CDPF1: variants seen among roughly 807,000 people sequenced by gnomAD.
CDPF1 encodes the protein cysteine-rich DPF motif domain-containing protein 1.
In CDPF1, 8 loss-of-function variants were observed where a neutral mutation model predicts 8.3. The observed-to-expected ratio is 0.96, with a 90% confidence interval of 0.57 to 1.74. The LOEUF (loss-of-function observed/expected upper bound fraction) is 1.74. Ranked by LOEUF, CDPF1 falls within the 40% of genes most tolerant of loss-of-function variation. The pLI is 0.00. For missense variants in CDPF1, 151 were observed against 155.3 expected (o/e 0.97, Z 0.15); for synonymous variants, 62 against 62.9 (o/e 0.99, Z 0.07).
Position 46,248,301 on chromosome 22 carries a change from T to C in CDPF1, c.1-17A>G, listed in dbSNP as rs999992542. 11 of 1,544,280 alleles carry C rather than the reference T, an allele frequency of 7.1e-6. No homozygotes were observed. Among genetic ancestry groups the C allele is most frequent in the Admixed American group, 1.7e-5 (1 of 59,366 alleles). On this transcript the variant is annotated splice_polypyrimidine_tract_variant and intron_variant, in intron 1 of 3. Coordinates refer to ENST00000314567, the MANE Select transcript of CDPF1 (RefSeq NM_207327.5). The surrounding 1 kb of genome is among the most constrained non-coding windows in gnomAD (Gnocchi z 4.1). ...GGACGCCATCTGCAAGATCAAGAGATGGGGTGTCCCTGGGTCACAGGCTTT... is the reference window on the plus strand; with the variant it reads ...GGACGCCATCTGCAAGATCAAGAGACGGGGTGTCCCTGGGTCACAGGCTTT...
rs895573150 is a variant in CDPF1, at chr22:46,249,192, T to A, written c.1-908A>T. On this transcript the variant is annotated intron_variant, in intron 1 of 3. Transcript: ENST00000314567. This position sits in a 1 kb window ranked among gnomAD's most constrained non-coding sequence, Gnocchi z 4.6. ...CTGATTACCCAGCTCCTTCTTTGACTATGGAATCAAGTACGACATTATCAG... is the reference window on the plus strand; with the variant it reads ...CTGATTACCCAGCTCCTTCTTTGACAATGGAATCAAGTACGACATTATCAG... 2.0e-5 allele frequency among the ~76,000 whole-genome samples: 3 copies of A among 152,172 alleles called. No individual in the cohort carries two copies. Among genetic ancestry groups the A allele is most frequent in the Non-Finnish European group, 4.4e-5 (3 of 68,038 alleles).
rs1014150916 is a variant in CDPF1, at chr22:46,249,123, T to G, written c.1-839A>C. On this transcript the variant is annotated intron_variant, in intron 1 of 3. Coordinates refer to ENST00000314567, the MANE Select transcript of CDPF1 (RefSeq NM_207327.5). The surrounding 1 kb of genome is among the most constrained non-coding windows in gnomAD (Gnocchi z 4.6). ...GCCTCTCTTTCCTTAGATTTCTGGC[T>G]AAATGGCTGCCATCTGATGGGTTCA... Among the ~76,000 whole-genome samples, 1 of 152,202 alleles carries G rather than the reference T, an allele frequency of 6.6e-6. No homozygotes were observed. Among genetic ancestry groups the G allele is most frequent in the African/African-American group, 2.4e-5 (1 of 41,440 alleles).
rs1936458500 is a variant in CDPF1, at chr22:46,244,735, C to T, written c.*357G>A. ...CCCCGACACAGTGTGGCATCTCCCC[C>T]CACACGCACCTGCACGCAGCCTCTT... is the stretch of plus-strand genomic sequence containing the variant. On this transcript the variant is annotated 3_prime_UTR_variant, in exon 4 of 4. Coordinates refer to ENST00000314567, the MANE Select transcript of CDPF1 (RefSeq NM_207327.5). The surrounding 1 kb of genome is among the most constrained non-coding windows in gnomAD (Gnocchi z 6.7). The T allele has an allele frequency of 4.0e-6, 1 of 246,984 alleles. No individual in the cohort carries two copies. 15.3% of individuals were successfully genotyped at this position (246,984 alleles called of 1,614,324 possible).
Position 46,247,310 on chromosome 22 carries a change from G to A in CDPF1, c.114-89C>T. ...ACCTATGGCCAGGCAGCAGCAGCCTGCACCTCTGCAGGGCCTGCATACCTG... is the reference window on the plus strand; with the variant it reads ...ACCTATGGCCAGGCAGCAGCAGCCTACACCTCTGCAGGGCCTGCATACCTG... On this transcript the variant is annotated intron_variant, in intron 2 of 3. Coordinates refer to ENST00000314567, the MANE Select transcript of CDPF1 (RefSeq NM_207327.5). The surrounding 1 kb of genome is among the most constrained non-coding windows in gnomAD (Gnocchi z 4.3). 1.1e-6 allele frequency: 1 copy of A among 873,642 alleles called. No individual in the cohort carries two copies. The highest frequency in any genetic ancestry group is 1.7e-5 in the African/African-American group (1 of 60,222). The allele number at this position is 873,642 out of a possible 1,614,324, so 54.1% of individuals were successfully genotyped here.
At position 46,249,137 on chromosome 22, in the gene CDPF1, C is replaced by G. The variant is rs117286333; in HGVS notation, c.1-853G>C. Among the ~76,000 whole-genome samples, 1,153 of 152,302 alleles carry G rather than the reference C, an allele frequency of 7.6e-3. 12 individuals are homozygous for G. The highest frequency in any genetic ancestry group is 0.012 in the Non-Finnish European group (783 of 68,024). On this transcript the variant is annotated intron_variant, in intron 1 of 3. Coordinates refer to ENST00000314567, the MANE Select transcript of CDPF1 (RefSeq NM_207327.5). This position sits in a 1 kb window ranked among gnomAD's most constrained non-coding sequence, Gnocchi z 4.6. ...AGATTTCTGGCTAAATGGCTGCCAT[C>G]TGATGGGTTCATCAAAAGTTACAAT...
rs1936500485 is a variant in CDPF1, at chr22:46,247,027, C to A, written c.225+83G>T. 11 of 1,333,108 alleles carry A rather than the reference C, an allele frequency of 8.3e-6. No homozygotes were observed. Among genetic ancestry groups the A allele is most frequent in the Non-Finnish European group, 1.2e-5 (11 of 949,590 alleles). 82.6% of individuals were successfully genotyped at this position (1,333,108 alleles called of 1,614,324 possible). On this transcript the variant is annotated intron_variant, in intron 3 of 3. Coordinates refer to ENST00000314567, the MANE Select transcript of CDPF1 (RefSeq NM_207327.5). The surrounding 1 kb of genome is among the most constrained non-coding windows in gnomAD (Gnocchi z 4.3). The stretch of plus-strand genomic sequence containing the variant: ...TAATGGGGTGAACCCGCTGCTCCCT[C>A]TCTCCCAGCCCTCCCTACCCAGGGA...
rs375117670 is a variant in CDPF1, at chr22:46,245,283, A to G, written c.226-45T>C. ...ATGGAGGCTTGAGTATCCTGGGAAC[A>G]TGGTGCAGCTCCTCCCAGGGGCCAG... On this transcript the variant is annotated intron_variant, in intron 3 of 3. Coordinates refer to ENST00000314567, the MANE Select transcript of CDPF1 (RefSeq NM_207327.5). The surrounding 1 kb of genome is among the most constrained non-coding windows in gnomAD (Gnocchi z 6.9). The G allele has an allele frequency of 4.4e-6, 7 of 1,603,288 alleles. No individual in the cohort carries two copies. In the African/African-American group the frequency reaches 9.4e-5, roughly 21 times the overall value.
In CDPF1 at chr22:46,246,153, G is replaced by C. The variant is rs1331915627; in HGVS notation, c.226-915C>G. Among the ~76,000 whole-genome samples the C allele has an allele frequency of 1.3e-5, 2 of 152,190 alleles. No individual in the cohort carries two copies. Among genetic ancestry groups the C allele is most frequent in the Non-Finnish European group, 2.9e-5 (2 of 68,028 alleles). On this transcript the variant is annotated intron_variant, in intron 3 of 3. Transcript: ENST00000314567. This position sits in a 1 kb window ranked among gnomAD's most constrained non-coding sequence, Gnocchi z 7.1. The stretch of plus-strand genomic sequence containing the variant: ...TAAGGCTGCCCTCCTGCAGTTCTTA[G>C]AAAAGACCCTTCGCCATGGAGATCC...
chr22:46,246,896 G>A lies in CDPF1; in HGVS notation c.225+214C>T. On this transcript the variant is annotated intron_variant, in intron 3 of 3. Coordinates refer to ENST00000314567, the MANE Select transcript of CDPF1 (RefSeq NM_207327.5). This position sits in a 1 kb window ranked among gnomAD's most constrained non-coding sequence, Gnocchi z 7.1. ...CTGAGGGGCCACTGGGGTGGGTGCA[G>A]AGCCACCAATTACCTATTTCCATTC... is the stretch of plus-strand genomic sequence containing the variant. The A allele has an allele frequency of 1.4e-6, 2 of 1,479,566 alleles. No individual in the cohort carries two copies. Among genetic ancestry groups the A allele is most frequent in the African/African-American group, 2.8e-5 (2 of 71,384 alleles). The allele number at this position is 1,479,566 out of a possible 1,614,324, so 91.7% of individuals were successfully genotyped here. A position where few individuals can be genotyped will look rare whatever the true frequency, so the allele number is the denominator to read the frequency against.
chr22:46,244,897 C>A lies in CDPF1; in HGVS notation c.*195G>T. The stretch of plus-strand genomic sequence containing the variant: ...GTCTTGTCTGGCATCTGCCTTTGGA[C>A]TACCCTCTTGCTACAGCTCCCTGGG... On this transcript the variant is annotated 3_prime_UTR_variant, in exon 4 of 4. Transcript: ENST00000314567. The surrounding 1 kb of genome is among the most constrained non-coding windows in gnomAD (Gnocchi z 6.7). 1 of 649,948 alleles carries A rather than the reference C, an allele frequency of 1.5e-6. No individual in the cohort carries two copies. 40.3% of individuals were successfully genotyped at this position (649,948 alleles called of 1,614,324 possible).
Position 46,247,078 on chromosome 22 carries a change from A to C in CDPF1, c.225+32T>G. On this transcript the variant is annotated intron_variant, in intron 3 of 3. Transcript: ENST00000314567. The surrounding 1 kb of genome is among the most constrained non-coding windows in gnomAD (Gnocchi z 4.3). ...GAGCTCCAGGATAACCACAGCAAGG[A>C]CAGGTGGCCCCAGCCCACGCTGCTT... 6.5e-7 allele frequency: 1 copy of C among 1,538,710 alleles called. No individual in the cohort carries two copies. The highest frequency in any genetic ancestry group is 9.0e-7 in the Non-Finnish European group (1 of 1,114,496).
chr22:46,246,889 G>A lies in CDPF1; in HGVS notation c.225+221C>T. On this transcript the variant is annotated intron_variant, in intron 3 of 3. Transcript: ENST00000314567. This position sits in a 1 kb window ranked among gnomAD's most constrained non-coding sequence, Gnocchi z 7.1. Reference sequence around the variant, plus strand: ...AGGAACCCTGAGGGGCCACTGGGGTGGGTGCAGAGCCACCAATTACCTATT... The same window carrying A: ...AGGAACCCTGAGGGGCCACTGGGGTAGGTGCAGAGCCACCAATTACCTATT... The A allele has an allele frequency of 6.6e-7, 1 of 1,507,330 alleles. No individual in the cohort carries two copies. The highest frequency in any genetic ancestry group is 8.9e-7 in the Non-Finnish European group (1 of 1,120,970). The allele number at this position is 1,507,330 out of a possible 1,614,324, so 93.4% of individuals were successfully genotyped here.
rs377424947 is a variant in CDPF1 at position 46,248,846 on chromosome 22, C to T, written c.1-562G>A. Among the ~76,000 whole-genome samples, 70 of 152,208 alleles carry T rather than the reference C, an allele frequency of 4.6e-4. No homozygotes were observed. The highest frequency in any genetic ancestry group is 1.6e-3 in the African/African-American group (68 of 41,532). On this transcript the variant is annotated intron_variant, in intron 1 of 3. Transcript: ENST00000314567. This position sits in a 1 kb window ranked among gnomAD's most constrained non-coding sequence, Gnocchi z 4.1. ...CCATCTAGCTAACATGGTGAAACCCCGCCTCTACTAAAAATACAAAAAATT... is the reference window on the plus strand; with the variant it reads ...CCATCTAGCTAACATGGTGAAACCCTGCCTCTACTAAAAATACAAAAAATT...
Position 46,245,659 on chromosome 22 carries a change from C to T in CDPF1, c.226-421G>A, listed in dbSNP as rs1340779933. On this transcript the variant is annotated intron_variant, in intron 3 of 3. Transcript: ENST00000314567. This position sits in a 1 kb window ranked among gnomAD's most constrained non-coding sequence, Gnocchi z 6.9. ...GAAGGACAGCCCCACAGACCAAAGA[C>T]GCCATGGACGAGCCAGCTAGTCTGG... Among the ~76,000 whole-genome samples, 3 of 152,356 alleles carry T rather than the reference C, an allele frequency of 2.0e-5. No homozygotes were observed. Among genetic ancestry groups the T allele is most frequent in the African/African-American group, 4.8e-5 (2 of 41,592 alleles).
At position 46,245,967 on chromosome 22, in the gene CDPF1, A is replaced by C. The variant is rs1936484429; in HGVS notation, c.226-729T>G. Among the ~76,000 whole-genome samples, 1 of 152,202 alleles carries C rather than the reference A, an allele frequency of 6.6e-6. No individual in the cohort carries two copies. The highest frequency in any genetic ancestry group is 2.4e-5 in the African/African-American group (1 of 41,442). ...GAGCTCCACAGCCACAAGGGACCCAAATAGAGACTCTGCTGAAGACAACAG... is the reference window on the plus strand; with the variant it reads ...GAGCTCCACAGCCACAAGGGACCCACATAGAGACTCTGCTGAAGACAACAG... On this transcript the variant is annotated intron_variant, in intron 3 of 3. Transcript: ENST00000314567. The surrounding 1 kb of genome is among the most constrained non-coding windows in gnomAD (Gnocchi z 6.9).
rs771350187 is a variant in CDPF1 at position 46,245,177 on chromosome 22, G to C, written c.287C>G (p.Ala96Gly). ...CLPCVRENIN[A>G]FPQEIRQDLE... is the part of the protein sequence containing the mutation. ...GTCTTGCCGAATTTCCTGAGGAAAA[G>C]CATTGATGTTCTCCCGGACACAAGG... The change falls in exon 4 of 4, where the codon GCT (alanine) becomes GGT (glycine). Residue 96 changes from alanine to glycine, a missense_variant. Coordinates refer to ENST00000314567, the MANE Select transcript of CDPF1 (RefSeq NM_207327.5). The surrounding 1 kb of genome is among the most constrained non-coding windows in gnomAD (Gnocchi z 6.9). 6.1e-5 allele frequency: 99 copies of C among 1,614,114 alleles called. No homozygotes were observed. Among genetic ancestry groups the C allele is most frequent in the Non-Finnish European group, 8.2e-5 (97 of 1,180,032 alleles).
At position 46,249,317 on chromosome 22, in the gene CDPF1, G is replaced by T. The variant is rs1191543336; in HGVS notation, c.-1+939C>A. On this transcript the variant is annotated intron_variant, in intron 1 of 3. Transcript: ENST00000314567. The surrounding 1 kb of genome is among the most constrained non-coding windows in gnomAD (Gnocchi z 4.6). ...TGGCTTTCCCCACTGGGTGTCCCCA[G>T]ATGCAACTCCAGGAAGCATGGGTTA... Among the ~76,000 whole-genome samples, 1 of 152,200 alleles carries T rather than the reference G, an allele frequency of 6.6e-6. No individual in the cohort carries two copies. The highest frequency in any genetic ancestry group is 6.5e-5 in the Admixed American group (1 of 15,288).
Position 46,245,668 on chromosome 22 carries a change from C to T in CDPF1, c.226-430G>A, listed in dbSNP as rs1398934296. Reference sequence around the variant, plus strand: ...CCCCACAGACCAAAGACGCCATGGACGAGCCAGCTAGTCTGGGCAGGAGGC... The same window carrying T: ...CCCCACAGACCAAAGACGCCATGGATGAGCCAGCTAGTCTGGGCAGGAGGC... On this transcript the variant is annotated intron_variant, in intron 3 of 3. Transcript: ENST00000314567. This position sits in a 1 kb window ranked among gnomAD's most constrained non-coding sequence, Gnocchi z 6.9. 2.6e-5 allele frequency among the ~76,000 whole-genome samples: 4 copies of T among 152,224 alleles called. No homozygotes were observed. Among genetic ancestry groups the T allele is most frequent in the East Asian group, 1.9e-4 (1 of 5,196 alleles).
rs1217897055 is a variant in CDPF1 at position 46,245,106 on chromosome 22, C to T, written c.358G>A (p.Gly120Ser). The T allele has an allele frequency of 7.4e-6, 12 of 1,614,090 alleles. No homozygotes were observed. Among genetic ancestry groups the T allele is most frequent in the Admixed American group, 1.7e-5 (1 of 60,014 alleles). The stretch of plus-strand genomic sequence containing the variant: ...CCCAGTTGCACTCACGTCCGAGAAC[C>T]GGGCTGGCTGGGGGTCCTCTTTGAT... Reference protein sequence around the residue: ...APSKRTPSQPGSRT With the variant: ...APSKRTPSQPSSRT The change falls in exon 4 of 4, where the codon GGT becomes AGT. Residue 120 changes from glycine to serine, a missense_variant. By Grantham distance (56) the Gly-to-Ser change is moderately conservative (BLOSUM62 0). Transcript: ENST00000314567. This position sits in a 1 kb window ranked among gnomAD's most constrained non-coding sequence, Gnocchi z 6.9.
Sources: gnomAD v4.1 joint callset for allele counts (sites outside exome capture counted in the v4.1 genomes callset) on GRCh38, gnomAD v4.1.1 for gene constraint, Gnocchi (gnomAD v3.1) non-coding constraint, MANE v1.5 for transcripts, NCBI Gene and HGNC (gene_info 2026-07-23, HGNC 2026-07-21) for gene names.